Variants in TANK observed in about 807,000 individuals in gnomAD.
TANK encodes the protein TRAF family member associated NFKB activator.
In TANK, 15 loss-of-function variants were observed where a neutral mutation model predicts 43.6. That is an observed-to-expected ratio of 0.34 (90% CI 0.23 to 0.53). The LOEUF is 0.53. TANK is among the 20% of genes least tolerant of loss of function. The pLI, the probability that TANK is intolerant of heterozygous loss-of-function variation, is 0.94. For synonymous variants in TANK, 162 were observed against 178.2 expected (o/e 0.91, Z 0.73); for missense variants, 417 against 498.6 (o/e 0.84, Z 1.56).
At chr2:161,233,031 T>C (rs1687998224) in intron 7 of TANK, 1 of 617,692 alleles carries the variant, frequency 1.6e-6, no homozygotes, top group Non-Finnish European at 2.6e-6. Context: ...ATTTTATTAG[T>C]ATTAATAAAG....
chr2:161,218,748 C>T (rs1687223547), intron 4 of TANK, among the ~76,000 whole-genome samples: 1 of 152,172 alleles, frequency 6.6e-6, no homozygotes, highest in African/African-American at 2.4e-5. Context: ...AAGATAGCTT[C>T]TGTTCTTCAT....
chr2:161,157,768 C>T (rs1405463543), upstream of TANK, among the ~76,000 whole-genome samples: 1 of 152,008 alleles, frequency 6.6e-6, no homozygotes, highest in Non-Finnish European at 1.5e-5. Flanking sequence ...ACTGAAATTT[C>T]TGCCTTCCGG....
chr2:161,152,938 GTTCAGACTT>G (rs1302387534), intron 1 of TANK, among the ~76,000 whole-genome samples: 1 of 152,002 alleles, frequency 6.6e-6, no homozygotes, highest in African/African-American at 2.4e-5. Context: ...GAATAAGCTG[GTTCAGACTT>G]TTAGCAAATT....
intron 1 of TANK, among the ~76,000 whole-genome samples, chr2:161,153,962 C>G (rs968608456): frequency 6.6e-6 from 1 of 152,196 alleles, no homozygotes; most frequent in African/African-American, 2.4e-5. Context: ...GCTTTAGCTT[C>G]TCTCAGCTGT....
At chr2:161,214,886 A>T (rs1291514846) in intron 4 of TANK, among the ~76,000 whole-genome samples, 1 of 152,200 alleles carries the variant, frequency 6.6e-6, no homozygotes, top group Non-Finnish European at 1.5e-5. Flanking sequence ...ACAGACACAG[A>T]TGATGCTTAT....
chr2:161,224,616 GA>G lies in TANK; in HGVS notation c.405-14del, dbSNP rs1220731185. The G allele has an allele frequency of 5.7e-6, 7 of 1,238,434 alleles. No homozygotes were observed. The highest frequency in any genetic ancestry group is 3.1e-5 in the African/African-American group (2 of 64,850). 76.7% of individuals were successfully genotyped at this position (1,238,434 alleles called of 1,614,324 possible). A position where few individuals can be genotyped will look rare whatever the true frequency, so the allele number is the denominator to read the frequency against. ...TTATAGCTTTACATTTTAAAATGTT[GA>G]TTTTTTTTTTTAGGGGTAATATAGA... On this transcript the variant is annotated splice_polypyrimidine_tract_variant and intron_variant, in intron 5 of 7. Transcript: ENST00000392749.
intron 2 of TANK, chr2:161,180,058 A>G (rs1685351752): frequency 9.7e-7 from 1 of 1,033,388 alleles, no homozygotes; most frequent in African/African-American, 1.7e-5. Context: ...TAAGGAGGAA[A>G]TAACTATAAA....
rs140601574 is a variant in TANK at position 161,167,876 on chromosome 2, G to T, written c.-50+7390G>T. 5.2e-3 allele frequency among the ~76,000 whole-genome samples: 784 copies of T among 152,036 alleles called. 7 individuals are homozygous for T. Among genetic ancestry groups the T allele is most frequent in the African/African-American group, 0.017 (725 of 41,454 alleles). On this transcript the variant is annotated intron_variant, in intron 1 of 7. Coordinates refer to ENST00000392749, the MANE Select transcript of TANK (RefSeq NM_001199135.3). ...CCTGACCTTGTGATACGCTCGCCTCGGCCTCCCAGAGTGCTGGGATTACAA... is the reference window on the plus strand; with the variant it reads ...CCTGACCTTGTGATACGCTCGCCTCTGCCTCCCAGAGTGCTGGGATTACAA...
intron 4 of TANK, among the ~76,000 whole-genome samples, chr2:161,221,570 G>T (rs919411353): frequency 6.6e-6 from 1 of 151,762 alleles, no homozygotes; most frequent in African/African-American, 2.4e-5. Context: ...TCAGAAAGTT[G>T]TATCAGACTG....
At chr2:161,145,133 C>CTTTTTTTTTTTTTTTT (rs144526006) in intron 1 of TANK, among the ~76,000 whole-genome samples, 1 of 32,830 alleles carries the variant, frequency 3.0e-5, no homozygotes, top group African/African-American at 1.3e-4. Context: ...GCAACCCCTG[C>CTTTTTTTTTTTTTTTT]TTTTTTTTTT....
chr2:161,167,603 C>T (rs1444063768), intron 1 of TANK, among the ~76,000 whole-genome samples: 2 of 151,844 alleles, frequency 1.3e-5, no homozygotes, highest in Non-Finnish European at 2.9e-5. Context: ...TTGTTGCAAC[C>T]AGGTTTTTGT....
rs149784741 is a variant in TANK at position 161,165,888 on chromosome 2, C to T, written c.-50+5402C>T. Among the ~76,000 whole-genome samples the T allele has an allele frequency of 7.2e-3, 1,100 of 152,260 alleles. 10 individuals carry two copies. The highest frequency in any genetic ancestry group is 7.9e-3 in the Non-Finnish European group (539 of 68,024). On this transcript the variant is annotated intron_variant, in intron 1 of 7. Transcript: ENST00000392749. ...TTACGTTCACCTCAGAGGAGTAGAA[C>T]ATCACATGCCTGCTTTCCCTTTTGG... is the stretch of plus-strand genomic sequence containing the variant.
intron 1 of TANK, among the ~76,000 whole-genome samples, chr2:161,149,786 C>T (rs924579126): frequency 2.6e-5 from 4 of 150,960 alleles, no homozygotes; most frequent in South Asian, 2.1e-4. Flanking sequence ...GTGCATTGCC[C>T]GAAGTGATTT....
At chr2:161,201,306 T>C in intron 2 of TANK, 1 of 889,366 alleles carries the variant, frequency 1.1e-6, no homozygotes, top group South Asian at 5.2e-5. Context: ...TTTATTGTAA[T>C]ATCTTATATG....
At chr2:161,217,533 C>T (rs1402131403) in intron 4 of TANK, among the ~76,000 whole-genome samples, 3 of 151,478 alleles carry the variant, frequency 2.0e-5, no homozygotes, top group Admixed American at 6.6e-5. Context: ...ACATTTTTTA[C>T]TCTCCTCCAA....
intron 1 of TANK, among the ~76,000 whole-genome samples, chr2:161,175,781 C>G (rs1049493766): frequency 6.6e-6 from 1 of 152,040 alleles, no homozygotes; most frequent in African/African-American, 2.4e-5. Context: ...AACCGACTGC[C>G]CTCAGTTTTG....
chr2:161,206,579 T>G (rs1163990611), intron 4 of TANK, among the ~76,000 whole-genome samples: 1 of 152,142 alleles, frequency 6.6e-6, no homozygotes, highest in African/African-American at 2.4e-5. Flanking sequence ...ACATATATTT[T>G]TATTTTAAAC....
chr2:161,147,127 G>T (rs1321506483), intron 1 of TANK, among the ~76,000 whole-genome samples: 2 of 152,108 alleles, frequency 1.3e-5, no homozygotes, highest in Non-Finnish European at 2.9e-5. Context: ...GGTGTGTTGG[G>T]GTGGGGGTGT....
chr2:161,159,790 GA>G (rs1392709411), upstream of TANK, among the ~76,000 whole-genome samples: 1 of 152,190 alleles, frequency 6.6e-6, no homozygotes, highest in African/African-American at 2.4e-5. Context: ...GGAATAATGG[GA>G]AAGTCTTAAT....
Sources: allele counts gnomAD v4.1 joint callset (sites outside exome capture counted in the v4.1 genomes callset), GRCh38; gene constraint gnomAD v4.1.1; transcripts MANE v1.5; gene names NCBI Gene and HGNC (gene_info 2026-07-23, HGNC 2026-07-21).